Variants in KDM3A observed in about 807,000 individuals in gnomAD.
KDM3A encodes lysine demethylase 3A, also known as lysine-specific demethylase 3A.
A neutral mutation model predicts 158.0 loss-of-function variants in KDM3A; 60 were observed. The observed-to-expected ratio is 0.38, with a 90% CI of 0.31 to 0.47. The LOEUF (loss-of-function observed/expected upper bound fraction) is 0.47. Ranked by LOEUF, KDM3A falls within the 20% of genes least tolerant of loss-of-function variation. The pLI is 0.99. For synonymous variants in KDM3A, 608 were observed against 549.3 expected, an observed-to-expected ratio of 1.11 and a Z score of -1.49; for missense variants, 1,319 against 1,574.3, an observed-to-expected ratio of 0.84 and a Z score of 2.74.
At chr2:86,485,993 C>A (rs1674159714) in intron 21 of KDM3A, 134 bp downstream of exon 21, 2 of 937,784 alleles carry the variant, frequency 2.1e-6, no homozygotes, top group Non-Finnish European at 3.1e-6. Flanking sequence ...TTCATTTTTA[C>A]ATATTTCCTT....
intron 10 of KDM3A, among the ~76,000 whole-genome samples, chr2:86,468,867 C>T (rs1673275765): frequency 6.6e-6 from 1 of 152,168 alleles, no homozygotes; most frequent in African/African-American, 2.4e-5. Context: ...GCACCTGTTG[C>T]TCTCCTCAGT....
intron 9 of KDM3A, among the ~76,000 whole-genome samples, chr2:86,464,565 G>C (rs1442402515): frequency 1.3e-5 from 2 of 152,186 alleles, no homozygotes; most frequent in African/African-American, 4.8e-5. Flanking sequence ...AGTGAGACAT[G>C]GTTACAGTGA....
chr2:86,476,201 C>G (rs1254847885), intron 12 of KDM3A, among the ~76,000 whole-genome samples: 2 of 152,174 alleles, frequency 1.3e-5, no homozygotes, highest in Non-Finnish European at 1.5e-5. Flanking sequence ...AGAAAAATTC[C>G]TAAGTAACTG....
chr2:86,479,997 C>T (rs1673843982), intron 15 of KDM3A, 170 bp from the exon 16 acceptor site: 1 of 607,238 alleles, frequency 1.6e-6, no homozygotes, highest in South Asian at 2.0e-5. Context: ...TTTAGTTATT[C>T]TCTACTAGTG....
At chr2:86,468,388 A>G (rs1673253547) in intron 10 of KDM3A, among the ~76,000 whole-genome samples, 2 of 152,224 alleles carry the variant, frequency 1.3e-5, no homozygotes, top group Admixed American at 6.5e-5. Context: ...CAGCTCTCAC[A>G]CACAGCTAGT....
chr2:86,437,199 G>A (rs908653694), upstream of KDM3A, among the ~76,000 whole-genome samples: 1 of 151,676 alleles, frequency 6.6e-6, no homozygotes, highest in African/African-American at 2.4e-5. Context: ...GGAGTGCAGT[G>A]GCGTGATCTC....
intron 18 of KDM3A, 181 bp from the exon 19 acceptor site, chr2:86,483,806 T>C (rs1053276741): frequency 1.1e-4 from 60 of 532,312 alleles, no homozygotes; most frequent in Non-Finnish European, 1.8e-4. Context: ...AGCAGATGAA[T>C]GGTGAAGGTT....
rs1382197427 is a variant in KDM3A at position 86,485,764 on chromosome 2, A to C, written c.3218A>C (p.Glu1073Ala). 6.2e-7 allele frequency: 1 copy of C among 1,614,030 alleles called. No individual in the cohort carries two copies. The highest frequency in any genetic ancestry group is 8.5e-7 in the Non-Finnish European group (1 of 1,180,010). The change falls in exon 21 of 26, where the codon GAG (glutamate) becomes GCG (alanine). Residue 1073 changes from glutamate to alanine, a missense_variant. By Grantham distance (107) the Glu-to-Ala change is moderately radical (BLOSUM62 -1). Coordinates refer to ENST00000312912, the MANE Select transcript of KDM3A (RefSeq NM_018433.6). ...DDLMANIPLP[E>A]YTRRDGKLNL... ...CTGATGGCCAACATTCCACTGCCCG[A>C]GTACACAAGGCGAGATGGCAAACTG...
Position 86,466,459 on chromosome 2 carries a change from A to C in KDM3A, c.1095A>C (p.Lys365Asn), listed in dbSNP as rs778552454. 8.1e-6 allele frequency: 13 copies of C among 1,613,814 alleles called. No individual in the cohort carries two copies. The highest frequency in any genetic ancestry group is 1.3e-5 in the African/African-American group (1 of 74,910). The change falls in exon 10 of 26, where the codon AAA becomes AAC. Residue 365 changes from lysine (K) to asparagine (N), a missense_variant. Physicochemically the swap from Lys to Asn is moderately conservative, Grantham distance 94. Coordinates refer to ENST00000312912, the MANE Select transcript of KDM3A (RefSeq NM_018433.6). ...EALRTKPDVCKAGLLSKSSQI... is the reference protein window; with the variant it reads ...EALRTKPDVCNAGLLSKSSQI... ...TGAGAACAAAACCAGATGTCTGCAA[A>C]GCAGGGTTGCTCTCAAAGTCCTCTC...
chr2:86,440,120 GT>G (rs976802423), upstream of KDM3A, among the ~76,000 whole-genome samples: 1 of 152,056 alleles, frequency 6.6e-6, no homozygotes. Context: ...AGCTGGATAG[GT>G]TTTTTCTTCT....
chr2:86,488,960 C>A, intron 21 of KDM3A: 1 of 215,796 alleles, frequency 4.6e-6, no homozygotes, highest in Non-Finnish European at 9.3e-6. Context: ...GGTGCTTTCC[C>A]TTGGACTCCC....
In KDM3A at chr2:86,489,584, A is replaced by T. The variant is rs746940427; in HGVS notation, c.3498A>T (p.Gly1166=). 1.2e-6 allele frequency: 2 copies of T among 1,614,082 alleles called. No individual in the cohort carries two copies. Among genetic ancestry groups the T allele is most frequent in the Non-Finnish European group, 1.7e-6 (2 of 1,179,986 alleles). The change falls in exon 23 of 26, where the codon GGA becomes GGT. Residue 1166 remains glycine (G), a synonymous_variant. Transcript: ENST00000312912. ...TCACAATAAAGCGATTTATTGAAGGAAAAGAGAAGCCAGGAGCACTGTGGC... is the reference window on the plus strand; with the variant it reads ...TCACAATAAAGCGATTTATTGAAGGTAAAGAGAAGCCAGGAGCACTGTGGC... ...DELTIKRFIE[G]KEKPGALWHI...
rs61158882 is a variant in KDM3A, at chr2:86,459,444, G to A, written c.843+2373G>A. Among the ~76,000 whole-genome samples, 617 of 152,226 alleles carry A rather than the reference G, an allele frequency of 4.1e-3. 13 individuals carry two copies. In the East Asian group the frequency reaches 0.052, roughly 13 times the overall value. ...AGTTGGTTGTGTGTTGCCTGTCATG[G>A]GGAATGTGTCAGTGTAAATTGGGAG... On this transcript the variant is annotated intron_variant, in intron 8 of 25. Coordinates refer to ENST00000312912, the MANE Select transcript of KDM3A (RefSeq NM_018433.6).
At chr2:86,440,120 G>C (rs1251315350), upstream of KDM3A, among the ~76,000 whole-genome samples, 4 of 152,056 alleles carry the variant, frequency 2.6e-5, no homozygotes, top group Non-Finnish European at 5.9e-5. Context: ...AGCTGGATAG[G>C]TTTTTTCTTC....
Position 86,466,512 on chromosome 2 carries a change from T to C in KDM3A, c.1148T>C (p.Leu383Pro). The C allele has an allele frequency of 6.2e-7, 1 of 1,613,974 alleles. No individual in the cohort carries two copies. Among genetic ancestry groups the C allele is most frequent in the Non-Finnish European group, 8.5e-7 (1 of 1,179,868 alleles). ...SQIGTGDLKILTEPKGSCTQP... is the reference protein window; with the variant it reads ...SQIGTGDLKIPTEPKGSCTQP... ...ATTGGAACTGGAGACTTGAAAATTC[T>C]GACTGAGCCAAAAGGCAGCTGTACT... Residue 383 changes from leucine (L) to proline (P), a missense_variant, in exon 10 of 26, where the codon CTG becomes CCG. Around this residue, in one of 4 missense-constraint regions of KDM3A, gnomAD observed 652 missense variants for 627.2 expected, o/e 1.04. Coordinates refer to ENST00000312912, the MANE Select transcript of KDM3A (RefSeq NM_018433.6).
chr2:86,456,649 A>T, intron 6 of KDM3A, 83 bp downstream of exon 6: 1 of 1,368,314 alleles, frequency 7.3e-7, no homozygotes, highest in Non-Finnish European at 1.0e-6. Context: ...CTAGGCACTA[A>T]ATACCTTTAT....
chr2:86,486,600 A>T (rs951351387), intron 21 of KDM3A, among the ~76,000 whole-genome samples: 3 of 152,132 alleles, frequency 2.0e-5, no homozygotes, highest in African/African-American at 7.2e-5. Flanking sequence ...GTCCTCCTGG[A>T]AATTACTTAT....
In KDM3A at chr2:86,442,115, C is replaced by T. The variant is rs1682750525; in HGVS notation, c.68C>T (p.Ala23Val). The change falls in exon 2 of 26, where the codon GCC (alanine) becomes GTC (valine). Residue 23 changes from alanine (A) to valine (V), a missense_variant. Physicochemically the swap from Ala to Val is moderately conservative, Grantham distance 64 (BLOSUM62 0). Transcript: ENST00000312912. ...VGRRFLSLSA[A>V]DGSDGSHDSW... is the part of the protein sequence containing the mutation. The stretch of plus-strand genomic sequence containing the variant: ...AGGAGGTTTCTCAGTCTGTCCGCAG[C>T]CGACGGCAGCGATGGCAGCCACGAC... The T allele has an allele frequency of 6.2e-7, 1 of 1,614,150 alleles. No homozygotes were observed. Among genetic ancestry groups the T allele is most frequent in the African/African-American group, 1.3e-5 (1 of 75,048 alleles).
At position 86,492,145 on chromosome 2, in the gene KDM3A, A is replaced by G; in HGVS notation, c.*26A>G. ...TCTCCCTGCACATTGGAAATGAATT[A>G]CAGGCAGCTGTTCAAACTCTTCAGG... is the stretch of plus-strand genomic sequence containing the variant. On this transcript the variant is annotated 3_prime_UTR_variant, in exon 26 of 26. Coordinates refer to ENST00000312912, the MANE Select transcript of KDM3A (RefSeq NM_018433.6). The G allele has an allele frequency of 6.5e-7, 1 of 1,545,832 alleles. No homozygotes were observed. Among genetic ancestry groups the G allele is most frequent in the Non-Finnish European group, 8.9e-7 (1 of 1,118,892 alleles).
Sources: gnomAD v4.1 joint callset for allele counts (sites outside exome capture counted in the v4.1 genomes callset) on GRCh38, gnomAD v4.1.1 for gene constraint, gnomAD v4.1.1 regional missense constraint, MANE v1.5 for transcripts, NCBI Gene and HGNC (gene_info 2026-07-23, HGNC 2026-07-21) for gene names.